CACNA1B: variants seen among roughly 807,000 people sequenced by gnomAD.
CACNA1B encodes the protein voltage-dependent N-type calcium channel subunit alpha-1B.
A neutral mutation model predicts 247.2 loss-of-function variants in CACNA1B; 70 were observed. That is an observed-to-expected ratio of 0.28 (90% CI 0.23 to 0.35). The LOEUF (loss-of-function observed/expected upper bound fraction) is 0.35, where lower values mean the gene tolerates loss of function less well. Ranked by LOEUF, CACNA1B falls within the 10% of genes least tolerant of loss-of-function variation. CACNA1B has a pLI of 1.00. For synonymous variants in CACNA1B, 1,231 were observed against 1,294.4 expected (o/e 0.95, Z 1.05); for missense variants, 2,367 against 3,197.4 (o/e 0.74, Z 6.26).
At chr9:137,972,511 C>T (rs1958165999) in intron 11 of CACNA1B, among the ~76,000 whole-genome samples, 1 of 152,088 alleles carries the variant, frequency 6.6e-6, no homozygotes, top group African/African-American at 2.4e-5. Context: ...GCTCCCAGTT[C>T]CAGCCTGGCT....
chr9:137,985,836 A>C lies in CACNA1B; in HGVS notation c.1770-577A>C, dbSNP rs112448842. On this transcript the variant is annotated intron_variant, in intron 13 of 46. Transcript: ENST00000371372. ...ACGGTCACTGCCCTCTGGGATGGGA[A>C]GCGTTGAGGGATACCACAGAGAGTC... is the stretch of plus-strand genomic sequence containing the variant. Among the ~76,000 whole-genome samples, 1,449 of 152,278 alleles carry C rather than the reference A, an allele frequency of 9.5e-3. 8 individuals are homozygous for C. Among genetic ancestry groups the C allele is most frequent in the South Asian group, 0.012 (59 of 4,824 alleles).
At chr9:137,996,768 C>G (rs1958505819) in intron 15 of CACNA1B, among the ~76,000 whole-genome samples, 1 of 152,216 alleles carries the variant, frequency 6.6e-6, no homozygotes, top group African/African-American at 2.4e-5. Flanking sequence ...TTTATACAGA[C>G]TCCTCCGCAG....
At chr9:137,984,601 A>AAGCTTTTCC (rs1958334566) in intron 13 of CACNA1B, among the ~76,000 whole-genome samples, 1 of 152,160 alleles carries the variant, frequency 6.6e-6, no homozygotes, top group African/African-American at 2.4e-5. Context: ...CATCAGATGG[A>AAGCTTTTCC]AGCTTTTCCA....
At chr9:137,912,503 G>A (rs558489713) in intron 3 of CACNA1B, among the ~76,000 whole-genome samples, 1 of 152,314 alleles carries the variant, frequency 6.6e-6, no homozygotes, top group African/African-American at 2.4e-5. Flanking sequence ...TGGTGAGACC[G>A]AGGATTGACA....
rs201683919 is a variant in CACNA1B at position 138,118,735 on chromosome 9, G to A, written c.5997G>A (p.Ala1999=). 1.5e-5 allele frequency: 23 copies of A among 1,545,268 alleles called. No individual in the cohort carries two copies. Among genetic ancestry groups the A allele is most frequent in the Admixed American group, 3.9e-5 (2 of 51,366 alleles). ...PQPGLESQGR[A]ASMPRLAAET... is the part of the protein sequence containing the mutation. ...CTGGGCTGGAGAGCCAGGGTCGAGC[G>A]GCCTCCATGCCCCGCCTTGCGGCCG... The change falls in exon 44 of 47, where the codon GCG becomes GCA. Residue 1999 remains alanine (A), a synonymous_variant. Coordinates refer to ENST00000371372, the MANE Select transcript of CACNA1B (RefSeq NM_000718.4).
chr9:138,039,397 AATT>A (rs1408090277), intron 20 of CACNA1B, among the ~76,000 whole-genome samples: 1 of 151,982 alleles, frequency 6.6e-6, no homozygotes, highest in Non-Finnish European at 1.5e-5. Flanking sequence ...TTTCTTTCCT[AATT>A]ATTTGCTTCT....
intron 10 of CACNA1B, among the ~76,000 whole-genome samples, chr9:137,962,528 A>G (rs1958032048): frequency 1.3e-5 from 2 of 152,136 alleles, no homozygotes; most frequent in African/African-American, 4.8e-5. Context: ...ATTTAGTGCT[A>G]TAAATTTCCC....
rs961546090 is a variant in CACNA1B at position 138,012,012 on chromosome 9, C to G, written c.2161-1117C>G. Among the ~76,000 whole-genome samples the G allele has an allele frequency of 6.6e-6, 1 of 152,130 alleles. No homozygotes were observed. The highest frequency in any genetic ancestry group is 2.1e-4 in the South Asian group (1 of 4,824). Reference sequence around the variant, plus strand: ...AACTATTGATCCGGAACCCAGGTGCCGAGCATGTTGGTCTTGTTTAGTGAC... The same window carrying G: ...AACTATTGATCCGGAACCCAGGTGCGGAGCATGTTGGTCTTGTTTAGTGAC... On this transcript the variant is annotated intron_variant, in intron 17 of 46. Coordinates refer to ENST00000371372, the MANE Select transcript of CACNA1B (RefSeq NM_000718.4). This position sits in a 1 kb window ranked among gnomAD's most constrained non-coding sequence, Gnocchi z 4.2.
intron 6 of CACNA1B, among the ~76,000 whole-genome samples, chr9:137,934,656 G>T (rs1299458626): frequency 6.6e-6 from 1 of 152,204 alleles, no homozygotes; most frequent in East Asian, 1.9e-4. Context: ...AGGACTCTGT[G>T]CAGACAACCC....
chr9:138,011,669 C>T lies in CACNA1B; in HGVS notation c.2161-1460C>T, dbSNP rs1958725920. On this transcript the variant is annotated intron_variant, in intron 17 of 46. Transcript: ENST00000371372. The surrounding 1 kb of genome is among the most constrained non-coding windows in gnomAD (Gnocchi z 4.2). ...CAGAGGGTGGGAAGCTGGATGCAGC[C>T]GGATCTGCGAGGAGGGACCTGGGTG... 2.0e-5 allele frequency among the ~76,000 whole-genome samples: 3 copies of T among 152,134 alleles called. No individual in the cohort carries two copies. The highest frequency in any genetic ancestry group is 2.1e-4 in the South Asian group (1 of 4,818).
chr9:138,120,264 C>G lies in CACNA1B; in HGVS notation c.6130C>G (p.Pro2044Ala), dbSNP rs921419441. The G allele has an allele frequency of 1.3e-6, 2 of 1,597,438 alleles. No homozygotes were observed. The highest frequency in any genetic ancestry group is 1.1e-5 in the South Asian group (1 of 88,536). The change falls in exon 45 of 47, where the codon CCT (proline) becomes GCT (alanine). Residue 2044 changes from proline to alanine, a missense_variant. This residue lies in a region of CACNA1B where 773 missense variants were observed against 779.4 expected (regional missense o/e 0.99). Transcript: ENST00000371372. ...CAGCACCACCCCGGACCGCCCACCCCCTAGCCAGGCGTCGTCGCACCACCA... is the reference window on the plus strand; with the variant it reads ...CAGCACCACCCCGGACCGCCCACCCGCTAGCCAGGCGTCGTCGCACCACCA... ...LCSTTPDRPP[P>A]SQASSHHHHH...
rs569957216 is a variant in CACNA1B at position 138,073,038 on chromosome 9, G to A, written c.4675-450G>A. ...GAGCCAGGGAGGAAAGGGCATAGCC[G>A]TGAAGCCTGGGCGGGGGTCCCTTCC... On this transcript the variant is annotated intron_variant, in intron 32 of 46. Coordinates refer to ENST00000371372, the MANE Select transcript of CACNA1B (RefSeq NM_000718.4). This position sits in a 1 kb window ranked among gnomAD's most constrained non-coding sequence, Gnocchi z 6.4. Among the ~76,000 whole-genome samples the A allele has an allele frequency of 6.6e-5, 10 of 152,348 alleles. No individual in the cohort carries two copies. Among genetic ancestry groups the A allele is most frequent in the East Asian group, 1.9e-4 (1 of 5,180 alleles).
At position 138,023,494 on chromosome 9, in the gene CACNA1B, G is replaced by T. The variant is rs1009675362; in HGVS notation, c.2751G>T (p.Arg917=). The change falls in exon 19 of 47, where the codon CGG becomes CGT. Residue 917 remains arginine, a synonymous_variant. Coordinates refer to ENST00000371372, the MANE Select transcript of CACNA1B (RefSeq NM_000718.4). ...GRGPGPEGGR[R]HHRRGSPEEA... ...GCCCAGGCCCCGAGGGCGGCCGGCG[G>T]CACCACCGGCGCGGCTCCCCGGAGG... The T allele has an allele frequency of 1.7e-5, 18 of 1,086,920 alleles. No individual in the cohort carries two copies. In the Admixed American group the frequency reaches 6.9e-4, roughly 42 times the overall value. 67.3% of individuals were successfully genotyped at this position (1,086,920 alleles called of 1,614,324 possible).
At chr9:138,113,688 A>G (rs539833650) in intron 40 of CACNA1B, among the ~76,000 whole-genome samples, 1 of 114,490 alleles carries the variant, frequency 8.7e-6, no homozygotes, top group East Asian at 2.8e-4. Flanking sequence ...GAGGGAGCGC[A>G]GGAAGGTGCC....
chr9:138,112,970 G>A (rs1341561473), intron 40 of CACNA1B, among the ~76,000 whole-genome samples: 3 of 148,302 alleles, frequency 2.0e-5, no homozygotes, highest in East Asian at 2.0e-4. Context: ...GGGAGCATGG[G>A]GAGGTGCCCA....
At chr9:137,930,797 A>ATTT (rs925149134) in intron 6 of CACNA1B, among the ~76,000 whole-genome samples, 7 of 148,906 alleles carry the variant, frequency 4.7e-5, no homozygotes, top group African/African-American at 1.7e-4. Flanking sequence ...TAGACTTGCT[A>ATTT]TTTTTTTTTG....
intron 10 of CACNA1B, among the ~76,000 whole-genome samples, chr9:137,970,954 A>G (rs1193879497): frequency 6.6e-6 from 1 of 152,174 alleles, no homozygotes; most frequent in African/African-American, 2.4e-5. Flanking sequence ...CTGAGTCCGG[A>G]GGGCGAGAGA....
chr9:138,052,258 G>GTGTGTGTGTGTA lies in CACNA1B; in HGVS notation c.3807+75_3807+76insGTGTGTATGTGT. 1.2e-6 allele frequency: 1 copy of GTGTGTGTGTGTA among 828,066 alleles called. No homozygotes were observed. Among genetic ancestry groups the GTGTGTGTGTGTA allele is most frequent in the Non-Finnish European group, 2.0e-6 (1 of 497,014 alleles). The allele number at this position is 828,066 out of a possible 1,614,324, so 51.3% of individuals were successfully genotyped here. A position where few individuals can be genotyped will look rare whatever the true frequency, so the allele number is the denominator to read the frequency against. The stretch of plus-strand genomic sequence containing the variant: ...TGCGTGTGTGTGTGTGCGTGTGTGT[G>GTGTGTGTGTGTA]TGTGTATGCATGCAGTGCATGAGTG... On this transcript the variant is annotated intron_variant, in intron 25 of 46. Transcript: ENST00000371372. This position sits in a 1 kb window ranked among gnomAD's most constrained non-coding sequence, Gnocchi z 5.1.
At position 138,059,662 on chromosome 9, in the gene CACNA1B, C is replaced by A; in HGVS notation, c.4593C>A (p.Phe1531Leu). 6.3e-7 allele frequency: 1 copy of A among 1,599,024 alleles called. No individual in the cohort carries two copies. Among genetic ancestry groups the A allele is most frequent in the Non-Finnish European group, 8.6e-7 (1 of 1,166,198 alleles). ...CTCTTCTTTTTCTCTAGAACTATTT[C>A]AGAGATGCCTGGAATGTCTTTGACT... ...KIIAFGVLNYFRDAWNVFDFV... is the reference protein window; with the variant it reads ...KIIAFGVLNYLRDAWNVFDFV... The change falls in exon 31 of 47, where the codon TTC (phenylalanine) becomes TTA (leucine). Residue 1531 changes from phenylalanine to leucine, a missense_variant. Phe to Leu is a conservative substitution (Grantham distance 22, BLOSUM62 0). Transcript: ENST00000371372. This position sits in a 1 kb window ranked among gnomAD's most constrained non-coding sequence, Gnocchi z 4.2.
Sources: allele counts gnomAD v4.1 joint callset (sites outside exome capture counted in the v4.1 genomes callset), GRCh38; gene constraint gnomAD v4.1.1; regional missense constraint gnomAD v4.1.1; non-coding constraint Gnocchi (gnomAD v3.1); transcripts MANE v1.5; gene names NCBI Gene and HGNC (gene_info 2026-07-23, HGNC 2026-07-21).